The following GLRA3 variants were observed in gnomAD, a reference collection of about 807,000 sequenced individuals.
The protein encoded by GLRA3 is glycine receptor subunit alpha-3.
In GLRA3, 44 loss-of-function variants were observed where a neutral mutation model predicts 60.4. The ratio of observed to expected loss-of-function variants is 0.73; its 90% CI spans 0.57 to 0.94. The LOEUF (loss-of-function observed/expected upper bound fraction) is 0.94, where lower values mean the gene tolerates loss of function less well. GLRA3 is among the 40% of genes least tolerant of loss of function. GLRA3 has a pLI of 0.00. For missense variants in GLRA3, 508 were observed against 564.6 expected, an observed-to-expected ratio of 0.90 and a Z score of 1.02; for synonymous variants, 223 against 192.9, an observed-to-expected ratio of 1.16 and a Z score of -1.29.
At chr4:174,773,874 G>T (rs536693089) in intron 2 of GLRA3, among the ~76,000 whole-genome samples, 1 of 152,242 alleles carries the variant, frequency 6.6e-6, no homozygotes, top group African/African-American at 2.4e-5. Flanking sequence ...GATGGCTGAG[G>T]GGGTCGTAGT....
At chr4:174,756,075 T>A (rs988822030) in intron 3 of GLRA3, among the ~76,000 whole-genome samples, 2 of 152,172 alleles carry the variant, frequency 1.3e-5, no homozygotes. Context: ...AAAAACCGAA[T>A]AGTTTTATAT....
chr4:174,728,382 C>T (rs566143487), intron 4 of GLRA3, 93 bp downstream of exon 4: 11 of 699,344 alleles, frequency 1.6e-5, no homozygotes, highest in African/African-American at 7.1e-5. Context: ...AGCACTTGTT[C>T]AAAAATGTCA....
intron 5 of GLRA3, among the ~76,000 whole-genome samples, chr4:174,712,258 T>C (rs1487378866): frequency 6.6e-6 from 1 of 152,186 alleles, no homozygotes; most frequent in Non-Finnish European, 1.5e-5. Flanking sequence ...TCTTCTCTTA[T>C]TCACTTTCTC....
rs1372444146 is a variant in GLRA3, at chr4:174,704,541, T to C, written c.574+10947A>G. ...CAGCTGCTATAAAAAATATGGCTGC[T>C]TTTTAAATAATTAAAAATGAATGAC... is the stretch of plus-strand genomic sequence containing the variant. On this transcript the variant is annotated intron_variant, in intron 5 of 9. Transcript: ENST00000274093. 1.4e-5 allele frequency among the ~76,000 whole-genome samples: 2 copies of C among 143,334 alleles called. 1 individual carries two copies. The highest frequency in any genetic ancestry group is 3.1e-5 in the Non-Finnish European group (2 of 64,628). The allele number at this position is 143,334 out of a possible 152,430, so 94.0% of individuals were successfully genotyped here. A position where few individuals can be genotyped will look rare whatever the true frequency, so the allele number is the denominator to read the frequency against.
chr4:174,727,007 A>C lies in GLRA3; in HGVS notation c.491+1468T>G, dbSNP rs1397740194. On this transcript the variant is annotated intron_variant, in intron 4 of 9. Transcript: ENST00000274093. ...TCCTTTGTGCCATATGTAGCAGTTA[A>C]TCACTTAAGATTATATTAGTACATA... Among the ~76,000 whole-genome samples, 4 of 152,274 alleles carry C rather than the reference A, an allele frequency of 2.6e-5. No individual in the cohort carries two copies. In the South Asian group the frequency reaches 8.3e-4, roughly 32 times the overall value.
At chr4:174,816,878 G>A (rs1740524170) in intron 1 of GLRA3, among the ~76,000 whole-genome samples, 1 of 151,780 alleles carries the variant, frequency 6.6e-6, no homozygotes, top group African/African-American at 2.4e-5. Context: ...ATATATTTAT[G>A]GTGTGCATGA....
At chr4:174,795,014 G>T (rs1367692518) in intron 1 of GLRA3, among the ~76,000 whole-genome samples, 1 of 150,836 alleles carries the variant, frequency 6.6e-6, no homozygotes, top group African/African-American at 2.4e-5. Context: ...AGAGAAAAAA[G>T]TTAGAAATAA....
intron 3 of GLRA3, among the ~76,000 whole-genome samples, chr4:174,757,216 G>T (rs1282119794): frequency 1.3e-5 from 2 of 151,970 alleles, no homozygotes; most frequent in East Asian, 3.8e-4. Context: ...AAAATTTATT[G>T]TTTGCCCATA....
At chr4:174,700,660 AG>A (rs1735272789) in intron 5 of GLRA3, among the ~76,000 whole-genome samples, 1 of 152,200 alleles carries the variant, frequency 6.6e-6, no homozygotes, top group Non-Finnish European at 1.5e-5. Context: ...GAGTTAACCA[AG>A]TTATGATGGT....
intron 1 of GLRA3, among the ~76,000 whole-genome samples, chr4:174,815,089 C>A (rs1299339676): frequency 1.3e-5 from 2 of 152,166 alleles, no homozygotes; most frequent in East Asian, 3.9e-4. Flanking sequence ...TACAGCCATT[C>A]CAAATGGAAG....
chr4:174,781,398 A>G (rs1738864947), intron 2 of GLRA3, among the ~76,000 whole-genome samples: 1 of 148,620 alleles, frequency 6.7e-6, no homozygotes, highest in South Asian at 2.2e-4. Flanking sequence ...CATCACTATT[A>G]AAAGAACTAG....
At chr4:174,790,955 G>C (rs1227970115) in intron 1 of GLRA3, among the ~76,000 whole-genome samples, 4 of 146,772 alleles carry the variant, frequency 2.7e-5, no homozygotes, top group Non-Finnish European at 5.9e-5. Context: ...AGTGAGCCGA[G>C]ATCACGCGAC....
Position 174,643,103 on chromosome 4 carries a change from G to A in GLRA3, c.*683C>T, listed in dbSNP as rs1732675628. 1 of 923,666 alleles carries A rather than the reference G, an allele frequency of 1.1e-6. No individual in the cohort carries two copies. 57.2% of individuals were successfully genotyped at this position (923,666 alleles called of 1,614,324 possible). A position where few individuals can be genotyped will look rare whatever the true frequency, so the allele number is the denominator to read the frequency against. ...CCGTATTTCCACCTTCGTTCCTAGA[G>A]ATACAAAGTTTAAGAAAAGTAGATT... On this transcript the variant is annotated 3_prime_UTR_variant, in exon 10 of 10. Coordinates refer to ENST00000274093, the MANE Select transcript of GLRA3 (RefSeq NM_006529.4).
At position 174,704,022 on chromosome 4, in the gene GLRA3, C is replaced by T. The variant is rs573564338; in HGVS notation, c.574+11466G>A. ...AATTAAGGATGAAAGAGGCTGGGCA[C>T]GGTGGCACAGGCATGTAATCCCATT... On this transcript the variant is annotated intron_variant, in intron 5 of 9. Transcript: ENST00000274093. Among the ~76,000 whole-genome samples the T allele has an allele frequency of 7.6e-4, 78 of 103,306 alleles. 7 individuals carry two copies. Among genetic ancestry groups the T allele is most frequent in the African/African-American group, 2.2e-3 (71 of 32,006 alleles). The allele number at this position is 103,306 out of a possible 152,430, so 67.8% of individuals were successfully genotyped here.
At chr4:174,809,286 G>T (rs1740170288) in intron 1 of GLRA3, among the ~76,000 whole-genome samples, 1 of 152,158 alleles carries the variant, frequency 6.6e-6, no homozygotes, top group African/African-American at 2.4e-5. Context: ...GCCTTGGTGT[G>T]CAGTAGGCTA....
intron 1 of GLRA3, among the ~76,000 whole-genome samples, chr4:174,821,502 G>T (rs1351555107): frequency 4.6e-5 from 7 of 152,092 alleles, no homozygotes; most frequent in African/African-American, 1.7e-4. Flanking sequence ...TGGGTGGGCA[G>T]AAGTTTTTTC....
intron 3 of GLRA3, among the ~76,000 whole-genome samples, chr4:174,739,707 C>T (rs1736937224): frequency 2.6e-5 from 4 of 152,076 alleles, no homozygotes; most frequent in African/African-American, 9.7e-5. Flanking sequence ...TTGCAAGGTT[C>T]CCACATTTCT....
At chr4:174,764,008 T>C (rs1196257726) in intron 3 of GLRA3, among the ~76,000 whole-genome samples, 1 of 152,082 alleles carries the variant, frequency 6.6e-6, no homozygotes. Flanking sequence ...ATGTGTAAAA[T>C]AATGAAACTG....
At chr4:174,678,810 T>C (rs1005204233) in intron 6 of GLRA3, among the ~76,000 whole-genome samples, 9 of 152,312 alleles carry the variant, frequency 5.9e-5, no homozygotes, top group African/African-American at 1.9e-4. Flanking sequence ...AAGATTTAAA[T>C]TTTGCTATGA....
Sources: gnomAD v4.1 joint callset for allele counts (sites outside exome capture counted in the v4.1 genomes callset) on GRCh38, gnomAD v4.1.1 for gene constraint, MANE v1.5 for transcripts, NCBI Gene and HGNC (gene_info 2026-07-23, HGNC 2026-07-21) for gene names.